WDR53: variants seen among roughly 807,000 people sequenced by gnomAD.
WDR53 encodes WD repeat domain 53, also known as WD repeat-containing protein 53.
In WDR53, 19 loss-of-function variants were observed where a neutral mutation model predicts 21.3. The ratio of observed to expected loss-of-function variants is 0.89; its 90% confidence interval spans 0.62 to 1.31. WDR53 has a LOEUF of 1.31. Among genes scored for constraint, WDR53 ranks in the 50% most tolerant of loss-of-function variants. The pLI is 0.00. For synonymous variants in WDR53, 157 were observed against 163.4 expected (o/e 0.96, Z 0.30); for missense variants, 374 against 423.2 (o/e 0.88, Z 1.02).
At position 196,561,399 on chromosome 3, in the gene WDR53, G is replaced by C; in HGVS notation, c.77C>G (p.Ser26Cys). 1 of 1,614,104 alleles carries C rather than the reference G, an allele frequency of 6.2e-7. No individual in the cohort carries two copies. The highest frequency in any genetic ancestry group is 8.5e-7 in the Non-Finnish European group (1 of 1,180,006). Reference protein sequence around the residue: ...LNASKEGLLASGAEGGDLTAW... With the variant: ...LNASKEGLLACGAEGGDLTAW... Reference sequence around the variant, plus strand: ...CGTGAGATCTCCGCCCTCTGCTCCAGAAGCCAGCAGCCCTTCTTTACTTGC... The same window carrying C: ...CGTGAGATCTCCGCCCTCTGCTCCACAAGCCAGCAGCCCTTCTTTACTTGC... The change falls in exon 3 of 4, where the codon TCT (serine) becomes TGT (cysteine). Residue 26 changes from serine to cysteine, a missense_variant. Ser to Cys is a moderately radical substitution (Grantham distance 112). Transcript: ENST00000332629.
At chr3:196,560,706 C>T (rs1278396065) in intron 3 of WDR53, among the ~76,000 whole-genome samples, 1 of 152,292 alleles carries the variant, frequency 6.6e-6, no homozygotes, top group African/African-American at 2.4e-5. Flanking sequence ...GCCTTTAGTA[C>T]TCACTGTTTG....
At chr3:196,563,338 A>T (rs770785340) in intron 2 of WDR53, among the ~76,000 whole-genome samples, 1 of 152,198 alleles carries the variant, frequency 6.6e-6, no homozygotes, top group Non-Finnish European at 1.5e-5. Context: ...GCAAAAAGGA[A>T]ATCAGGGCAA....
intron 2 of WDR53, among the ~76,000 whole-genome samples, chr3:196,565,413 A>T (rs969038121): frequency 7.9e-5 from 12 of 152,070 alleles, no homozygotes; most frequent in Non-Finnish European, 1.3e-4. Flanking sequence ...TGTCTCTACT[A>T]AAAATACAAA....
At chr3:196,562,558 G>A (rs368946621) in intron 2 of WDR53, among the ~76,000 whole-genome samples, 4 of 152,106 alleles carry the variant, frequency 2.6e-5, no homozygotes, top group South Asian at 2.1e-4. Flanking sequence ...CACCACGCCC[G>A]GCTGCAATGT....
In WDR53 at chr3:196,567,002, C is replaced by T; in HGVS notation, c.-142G>A. ...AGGCTCTGCCTCGGCTGCACTGAGACACGATAAAGGCCAGTCTTTAAAAAC... is the reference window on the plus strand; with the variant it reads ...AGGCTCTGCCTCGGCTGCACTGAGATACGATAAAGGCCAGTCTTTAAAAAC... On this transcript the variant is annotated 5_prime_UTR_variant, in exon 2 of 4. Coordinates refer to ENST00000332629, the MANE Select transcript of WDR53 (RefSeq NM_182627.3). The T allele has an allele frequency of 3.1e-6, 1 of 324,752 alleles. No homozygotes were observed. Among genetic ancestry groups the T allele is most frequent in the Non-Finnish European group, 6.2e-6 (1 of 161,266 alleles). 20.1% of individuals were successfully genotyped at this position (324,752 alleles called of 1,614,324 possible). A position where few individuals can be genotyped will look rare whatever the true frequency, so the allele number is the denominator to read the frequency against.
At chr3:196,565,786 G>C (rs752268242) in intron 2 of WDR53, among the ~76,000 whole-genome samples, 2 of 152,186 alleles carry the variant, frequency 1.3e-5, no homozygotes, top group African/African-American at 2.4e-5. Context: ...TAGAAGGGTA[G>C]TGGGAAAAAA....
chr3:196,567,464 T>C (rs11924582), intron 1 of WDR53, among the ~76,000 whole-genome samples, 157 bp from the exon 2 acceptor site: 10,540 of 152,216 alleles, frequency 0.069, 1,192 homozygotes, highest in African/African-American at 0.24. Context: ...GGATTATACA[T>C]AGCAAGAAGC....
At chr3:196,563,500 A>G (rs1328648621) in intron 2 of WDR53, among the ~76,000 whole-genome samples, 5 of 152,140 alleles carry the variant, frequency 3.3e-5, no homozygotes, top group East Asian at 1.9e-4. Context: ...ACTTGAATTT[A>G]GCCCAGTGGT....
In WDR53 at chr3:196,562,099, G is replaced by A. The variant is rs146736302; in HGVS notation, c.-16-608C>T. The stretch of plus-strand genomic sequence containing the variant: ...GATTTTTATTAGGCCGGTGCAAAGC[G>A]GCATTACATACACTGCACCAGTACT... On this transcript the variant is annotated intron_variant, in intron 2 of 3. Transcript: ENST00000332629. Among the ~76,000 whole-genome samples the A allele has an allele frequency of 2.4e-3, 368 of 152,202 alleles. 2 individuals carry two copies. Among genetic ancestry groups the A allele is most frequent in the African/African-American group, 8.7e-3 (360 of 41,528 alleles).
chr3:196,554,464 T>G lies in WDR53; in HGVS notation c.824A>C (p.Glu275Ala). ...TTTTGTGGGACTCTTCTGTTTTTTC[T>G]CAACTTCACTGTTTGCATCCCACAA... Reference protein sequence around the residue: ...ITLWDANSEVEKKQKSPTKRT... With the variant: ...ITLWDANSEVAKKQKSPTKRT... Residue 275 changes from glutamate to alanine, a missense_variant, in exon 4 of 4, where the codon GAG becomes GCG. Transcript: ENST00000332629. 1 of 1,614,218 alleles carries G rather than the reference T, an allele frequency of 6.2e-7. No homozygotes were observed. The highest frequency in any genetic ancestry group is 8.5e-7 in the Non-Finnish European group (1 of 1,180,044).
chr3:196,561,210 T>C lies in WDR53; in HGVS notation c.266A>G (p.His89Arg), dbSNP rs1734816822. 3.1e-6 allele frequency: 5 copies of C among 1,614,210 alleles called. No individual in the cohort carries two copies. The East Asian group carries it at 1.1e-4, about 36-fold the overall frequency. ...GATTTCTTCTTCATTCACATGAAAA[T>C]GGTCCAAGGAATCTTTGAGGGACCT... ...DVRSLKDSLD[H>R]FHVNEEEINC... is the part of the protein sequence containing the mutation. The change falls in exon 3 of 4, where the codon CAT becomes CGT. Residue 89 changes from histidine (H) to arginine (R), a missense_variant. Transcript: ENST00000332629.
Position 196,554,886 on chromosome 3 carries a change from T to A in WDR53, c.481-79A>T. 2.5e-6 allele frequency: 3 copies of A among 1,200,514 alleles called. No homozygotes were observed. The South Asian group carries it at 4.2e-5, about 17-fold the overall frequency. 74.4% of individuals were successfully genotyped at this position (1,200,514 alleles called of 1,614,324 possible). ...ACTATCATGCTTATTCAGCTTCTAA[T>A]AAAATCGTTAAAGTAGTCTGAGAAT... On this transcript the variant is annotated intron_variant, in intron 3 of 3. Transcript: ENST00000332629.
At chr3:196,560,259 T>C (rs1487809143) in intron 3 of WDR53, among the ~76,000 whole-genome samples, 1 of 151,838 alleles carries the variant, frequency 6.6e-6, no homozygotes. Context: ...TTTTTTTTTT[T>C]TGAGACAGAG....
intron 3 of WDR53, among the ~76,000 whole-genome samples, chr3:196,560,026 C>G (rs967986951): frequency 6.6e-6 from 1 of 152,184 alleles, no homozygotes; most frequent in Non-Finnish European, 1.5e-5. Flanking sequence ...GAAGCACATC[C>G]TGCCATGGGA....
At chr3:196,559,464 T>C (rs554536118) in intron 3 of WDR53, among the ~76,000 whole-genome samples, 2 of 152,306 alleles carry the variant, frequency 1.3e-5, no homozygotes, top group African/African-American at 4.8e-5. Context: ...TACTGAATAC[T>C]GGTAGCTTGC....
chr3:196,556,676 T>TACACAC (rs59266188), intron 3 of WDR53, among the ~76,000 whole-genome samples: 7 of 139,262 alleles, frequency 5.0e-5, no homozygotes, highest in African/African-American at 1.6e-4. Context: ...AAAAAGAAAA[T>TACACAC]ACACACACAC....
intron 2 of WDR53, among the ~76,000 whole-genome samples, chr3:196,566,246 C>A (rs929789432): frequency 1.3e-5 from 2 of 151,714 alleles, no homozygotes; most frequent in Non-Finnish European, 2.9e-5. Flanking sequence ...TGCACCACCA[C>A]GCCCAGCTAA....
Position 196,561,341 on chromosome 3 carries a change from G to C in WDR53, c.135C>G (p.His45Gln). The C allele has an allele frequency of 1.9e-6, 3 of 1,614,156 alleles. No individual in the cohort carries two copies. The highest frequency in any genetic ancestry group is 2.5e-6 in the Non-Finnish European group (3 of 1,180,034). ...CATCATCAGCCCCTTGGAACCGCGT[G>C]TGTCCTAATGGAGTTCCATCTTCAC... The part of the protein sequence containing the change: ...AWGEDGTPLG[H>Q]TRFQGADDVT... The change falls in exon 3 of 4, where the codon CAC becomes CAG. Residue 45 changes from histidine to glutamine, a missense_variant. By Grantham distance (24) the His-to-Gln change is conservative. Transcript: ENST00000332629.
Position 196,566,959 on chromosome 3 carries a change from C to G in WDR53, c.-99G>C, listed in dbSNP as rs367768057. On this transcript the variant is annotated 5_prime_UTR_variant, in exon 2 of 4. Transcript: ENST00000332629. ...GGCTGGACTAGATTAGTAAGAATGA[C>G]AACATCGCATCCTTCAAAGGCTCTG... The G allele has an allele frequency of 2.7e-4, 69 of 257,270 alleles. 2 individuals carry two copies. Among genetic ancestry groups the G allele is most frequent in the South Asian group, 2.5e-3 (68 of 27,282 alleles). The allele number at this position is 257,270 out of a possible 1,614,324, so 15.9% of individuals were successfully genotyped here. A position where few individuals can be genotyped will look rare whatever the true frequency, so the allele number is the denominator to read the frequency against.
Sources: gnomAD v4.1 joint callset for allele counts (sites outside exome capture counted in the v4.1 genomes callset) on GRCh38, gnomAD v4.1.1 for gene constraint, MANE v1.5 for transcripts, NCBI Gene and HGNC (gene_info 2026-07-23, HGNC 2026-07-21) for gene names.